The following PCOLCE2 variants were observed in gnomAD, a reference collection of about 807,000 sequenced individuals.
PCOLCE2 encodes procollagen C-endopeptidase enhancer 2.
PCOLCE2 carries 42 observed loss-of-function variants against 47.0 expected under a neutral mutation model. The observed-to-expected ratio is 0.89, with a 90% CI of 0.70 to 1.16. The LOEUF (loss-of-function observed/expected upper bound fraction) is 1.16, where lower values mean the gene tolerates loss of function less well. Ranked by LOEUF, PCOLCE2 falls within the 50% of genes most tolerant of loss-of-function variation. PCOLCE2 has a pLI of 0.00. For missense variants in PCOLCE2, 500 were observed against 526.1 expected (o/e 0.95, Z 0.49); for synonymous variants, 169 against 191.7 (o/e 0.88, Z 0.98).
intron 2 of PCOLCE2, among the ~76,000 whole-genome samples, chr3:142,885,222 G>A (rs1407594400): frequency 1.3e-5 from 2 of 152,136 alleles, no homozygotes; most frequent in African/African-American, 2.4e-5. Flanking sequence ...ACCATTTAGC[G>A]GTGAAAGCTA....
rs1936976287 is a variant in PCOLCE2 at position 142,818,478 on chromosome 3, A to G, written c.1118-13T>C. The G allele has an allele frequency of 6.2e-6, 10 of 1,600,638 alleles. No homozygotes were observed. Among genetic ancestry groups the G allele is most frequent in the Non-Finnish European group, 8.6e-6 (10 of 1,167,864 alleles). ...ATGTAATTTAGACCTAAAGAAAGAG[A>G]ATACAGAAATTAATCTTTTTCTCTA... is the stretch of plus-strand genomic sequence containing the variant. On this transcript the variant is annotated splice_polypyrimidine_tract_variant and intron_variant, in intron 8 of 8. Coordinates refer to ENST00000295992, the MANE Select transcript of PCOLCE2 (RefSeq NM_013363.4).
intron 6 of PCOLCE2, among the ~76,000 whole-genome samples, chr3:142,825,163 T>C (rs1457962462): frequency 3.3e-5 from 5 of 152,316 alleles, no homozygotes; most frequent in Admixed American, 6.5e-5. Flanking sequence ...ATTTACTCAG[T>C]TAACTGAGTC....
At position 142,823,546 on chromosome 3, in the gene PCOLCE2, CAAT is replaced by C; in HGVS notation, c.932_934del (p.Tyr311del). On this transcript the variant is annotated inframe_deletion, in exon 7 of 9. Coordinates refer to ENST00000295992, the MANE Select transcript of PCOLCE2 (RefSeq NM_013363.4). ...TTATTTCTTACCAAAGTCACTTGAA[CAAT>C]AATTGCCCTCCAGAGTCCCCGTCCG... 6.2e-7 allele frequency: 1 copy of C among 1,605,694 alleles called. No individual in the cohort carries two copies.
intron 8 of PCOLCE2, 150 bp from the exon 9 acceptor site, chr3:142,818,615 GT>G: frequency 3.0e-6 from 2 of 671,090 alleles, no homozygotes; most frequent in South Asian, 1.9e-5. Context: ...TGGGTTTCTT[GT>G]TTTTGCTTTT....
At chr3:142,830,978 G>C (rs1370050732) in intron 5 of PCOLCE2, among the ~76,000 whole-genome samples, 1 of 152,190 alleles carries the variant, frequency 6.6e-6, no homozygotes, top group African/African-American at 2.4e-5. Flanking sequence ...AGAGAGGGTA[G>C]ATCTACCTGA....
chr3:142,824,949 T>C (rs891540013), intron 6 of PCOLCE2, among the ~76,000 whole-genome samples: 1 of 152,164 alleles, frequency 6.6e-6, no homozygotes, highest in African/African-American at 2.4e-5. Context: ...TCTTAATCTG[T>C]ACCCCCTAGT....
At chr3:142,860,112 T>A (rs1373941183) in intron 2 of PCOLCE2, among the ~76,000 whole-genome samples, 1 of 152,310 alleles carries the variant, frequency 6.6e-6, no homozygotes, top group East Asian at 1.9e-4. Context: ...TTAACAGCAA[T>A]GGGAAATAAG....
chr3:142,835,189 TCTA>T (rs1375384181), intron 5 of PCOLCE2, among the ~76,000 whole-genome samples: 3 of 152,334 alleles, frequency 2.0e-5, no homozygotes, highest in Non-Finnish European at 4.4e-5. Flanking sequence ...GTTAAAAATC[TCTA>T]CTACAATAAT....
intron 5 of PCOLCE2, 38 bp from the exon 6 acceptor site, chr3:142,829,884 A>G (rs1373249776): frequency 1.6e-6 from 2 of 1,245,462 alleles, no homozygotes; most frequent in Admixed American, 2.1e-5. Context: ...TAAATACTTA[A>G]AAGTGGTGCC....
intron 2 of PCOLCE2, among the ~76,000 whole-genome samples, chr3:142,881,990 G>A (rs971192039): frequency 1.3e-5 from 2 of 151,910 alleles, no homozygotes; most frequent in African/African-American, 4.8e-5. Flanking sequence ...TTCTGTCAAA[G>A]GTCTGTGACT....
chr3:142,865,031 T>C (rs1012187976), intron 2 of PCOLCE2, among the ~76,000 whole-genome samples: 1 of 152,216 alleles, frequency 6.6e-6, no homozygotes, highest in Non-Finnish European at 1.5e-5. Context: ...TGCTTGGTCA[T>C]ATGGTAAATG....
At chr3:142,826,777 C>T (rs1004414684) in intron 6 of PCOLCE2, among the ~76,000 whole-genome samples, 2 of 152,132 alleles carry the variant, frequency 1.3e-5, no homozygotes, top group Non-Finnish European at 2.9e-5. Flanking sequence ...ACACTGTAGT[C>T]CTCCCTTATT....
chr3:142,868,191 G>T (rs1214251312), intron 2 of PCOLCE2, among the ~76,000 whole-genome samples: 1 of 152,146 alleles, frequency 6.6e-6, no homozygotes, highest in Non-Finnish European at 1.5e-5. Flanking sequence ...TGTGGCTTCT[G>T]CTCTCAAGGA....
At chr3:142,829,030 G>A (rs569502179) in intron 6 of PCOLCE2, among the ~76,000 whole-genome samples, 1 of 151,984 alleles carries the variant, frequency 6.6e-6, no homozygotes, top group South Asian at 2.1e-4. Context: ...TTTCCTTCCC[G>A]CTTTTCCCCC....
intron 2 of PCOLCE2, among the ~76,000 whole-genome samples, chr3:142,853,707 C>T (rs529927540): frequency 7.2e-5 from 11 of 152,280 alleles, no homozygotes; most frequent in Admixed American, 5.9e-4. Context: ...AGATGCATAT[C>T]TTTTTGGAAA....
chr3:142,851,892 A>AC (rs1191796365), intron 2 of PCOLCE2, among the ~76,000 whole-genome samples: 1 of 152,192 alleles, frequency 6.6e-6, no homozygotes, highest in Admixed American at 6.5e-5. Context: ...GAGGTGTTGA[A>AC]ATTAACTACA....
chr3:142,860,262 TA>T lies in PCOLCE2; in HGVS notation c.193-11791del, dbSNP rs1258639237. Among the ~76,000 whole-genome samples the T allele has an allele frequency of 2.6e-5, 4 of 152,294 alleles. No individual in the cohort carries two copies. The East Asian group carries it at 7.7e-4, about 29-fold the overall frequency. On this transcript the variant is annotated intron_variant, in intron 2 of 8. Coordinates refer to ENST00000295992, the MANE Select transcript of PCOLCE2 (RefSeq NM_013363.4). ...CTGCTACTTCTTGACTTAGCCCTTT[TA>T]AACTTCACCTCTTTGCTTCCTGTTA...
chr3:142,871,505 G>A (rs1300864409), intron 2 of PCOLCE2, among the ~76,000 whole-genome samples: 1 of 152,224 alleles, frequency 6.6e-6, no homozygotes, highest in Non-Finnish European at 1.5e-5. Context: ...AGTAATCTAG[G>A]TGTTGCTGTG....
intron 2 of PCOLCE2, among the ~76,000 whole-genome samples, chr3:142,877,250 G>C (rs1158911067): frequency 6.6e-6 from 1 of 152,184 alleles, no homozygotes; most frequent in African/African-American, 2.4e-5. Flanking sequence ...GCAGTGGCTG[G>C]TTGAAGTAGG....
Sources: gnomAD v4.1 joint callset for allele counts (sites outside exome capture counted in the v4.1 genomes callset) on GRCh38, gnomAD v4.1.1 for gene constraint, MANE v1.5 for transcripts, NCBI Gene and HGNC (gene_info 2026-07-23, HGNC 2026-07-21) for gene names.